The following DOCK3 variants were observed in gnomAD, a reference collection of about 807,000 sequenced individuals.
The protein encoded by DOCK3 is dedicator of cytokinesis protein 3.
A neutral mutation model predicts 265.6 loss-of-function variants in DOCK3; 60 were observed. That is an observed-to-expected ratio of 0.23 (90% confidence interval 0.18 to 0.28). DOCK3 has a LOEUF of 0.28. Ranked by LOEUF, DOCK3 falls within the 10% of genes least tolerant of loss-of-function variation. The pLI is 1.00. For missense variants in DOCK3, 1,981 were observed against 2,594.3 expected, an observed-to-expected ratio of 0.76 and a Z score of 5.14; for synonymous variants, 881 against 938.0, an observed-to-expected ratio of 0.94 and a Z score of 1.11.
chr3:50,714,976 C>T (rs1441465138), intron 1 of DOCK3, among the ~76,000 whole-genome samples: 1 of 152,214 alleles, frequency 6.6e-6, no homozygotes, highest in Non-Finnish European at 1.5e-5. Flanking sequence ...CTGCCACATG[C>T]ACCCACTGAA....
At chr3:50,859,735 T>C (rs2107489889) in intron 3 of DOCK3, among the ~76,000 whole-genome samples, 1 of 152,244 alleles carries the variant, frequency 6.6e-6, no homozygotes, top group Admixed American at 6.5e-5. Flanking sequence ...TAGTGAGGTA[T>C]TTTTGGTGTT....
At chr3:51,363,990 G>C (rs1306533210) in intron 49 of DOCK3, among the ~76,000 whole-genome samples, 2 of 152,134 alleles carry the variant, frequency 1.3e-5, no homozygotes, top group African/African-American at 4.8e-5. Context: ...ATAATCCTTT[G>C]GGTATATGTC....
intron 5 of DOCK3, among the ~76,000 whole-genome samples, chr3:51,000,800 G>A (rs1449638523): frequency 1.3e-5 from 2 of 152,046 alleles, no homozygotes; most frequent in African/African-American, 2.4e-5. Context: ...ATACAGGCAC[G>A]TGCCACCATG....
At chr3:51,110,560 A>G (rs2083471052) in intron 9 of DOCK3, among the ~76,000 whole-genome samples, 1 of 152,248 alleles carries the variant, frequency 6.6e-6, no homozygotes. Flanking sequence ...GTGATTAAAC[A>G]CATAAATAGA....
rs2108716647 is a variant in DOCK3 at position 51,004,680 on chromosome 3, C to T, written c.316-59768C>T. 3.4e-5 allele frequency among the ~76,000 whole-genome samples: 5 copies of T among 146,880 alleles called. 1 individual carries two copies. The South Asian group carries it at 1.1e-3, about 32-fold the overall frequency. On this transcript the variant is annotated intron_variant, in intron 5 of 52. Coordinates refer to ENST00000266037, the MANE Select transcript of DOCK3 (RefSeq NM_004947.5). ...TTTATTCTTTTCTCTCCCCTTTCTA[C>T]TGTAATGCAAACTTCATTTGAGAAG...
intron 9 of DOCK3, among the ~76,000 whole-genome samples, chr3:51,114,434 GAC>G (rs1225734536): frequency 1.3e-5 from 2 of 152,172 alleles, no homozygotes; most frequent in African/African-American, 4.8e-5. Context: ...GCAGAGGAAT[GAC>G]ACAATGATAG....
At chr3:51,240,552 T>C (rs989615345) in intron 21 of DOCK3, among the ~76,000 whole-genome samples, 1 of 152,196 alleles carries the variant, frequency 6.6e-6, no homozygotes, top group Non-Finnish European at 1.5e-5. Flanking sequence ...CCCTCTATTA[T>C]TGTGTAGGAG....
chr3:50,918,136 C>T (rs1241504619), intron 4 of DOCK3, among the ~76,000 whole-genome samples: 2 of 152,118 alleles, frequency 1.3e-5, no homozygotes, highest in Non-Finnish European at 2.9e-5. Flanking sequence ...ATGTGTGCCA[C>T]ATTTTCTTAA....
intron 1 of DOCK3, among the ~76,000 whole-genome samples, chr3:50,773,394 G>A (rs1263014778): frequency 6.6e-6 from 1 of 151,812 alleles, no homozygotes; most frequent in East Asian, 1.9e-4. Flanking sequence ...AAAATCATTT[G>A]AAAGCCAATG....
intron 3 of DOCK3, among the ~76,000 whole-genome samples, chr3:50,854,839 C>T (rs953635148): frequency 1.3e-5 from 2 of 151,896 alleles, no homozygotes; most frequent in African/African-American, 4.8e-5. Context: ...CAGTATCATT[C>T]TTCTGCATAG....
At chr3:50,899,679 C>T (rs1346899769) in intron 4 of DOCK3, among the ~76,000 whole-genome samples, 1 of 152,170 alleles carries the variant, frequency 6.6e-6, no homozygotes, top group Non-Finnish European at 1.5e-5. Flanking sequence ...CTGGTGGTGA[C>T]AAAATCTCTC....
intron 49 of DOCK3, among the ~76,000 whole-genome samples, chr3:51,373,991 A>T (rs2087888529): frequency 6.6e-6 from 1 of 152,208 alleles, no homozygotes; most frequent in Admixed American, 6.5e-5. Context: ...GGAGAAGGTA[A>T]GTGCGTAAAG....
intron 22 of DOCK3, among the ~76,000 whole-genome samples, chr3:51,248,752 G>C (rs1006768206): frequency 1.3e-5 from 2 of 150,764 alleles, no homozygotes; most frequent in African/African-American, 4.9e-5. Context: ...AGTGAGGAGC[G>C]CCTCTTCCCG....
intron 12 of DOCK3, among the ~76,000 whole-genome samples, chr3:51,207,831 A>G (rs530550480): frequency 2.6e-5 from 4 of 152,096 alleles, no homozygotes; most frequent in Non-Finnish European, 4.4e-5. Context: ...TGGGATAGGT[A>G]TATCCATACC....
At chr3:50,832,235 G>A (rs764751750) in intron 2 of DOCK3, among the ~76,000 whole-genome samples, 9 of 152,136 alleles carry the variant, frequency 5.9e-5, no homozygotes, top group African/African-American at 4.8e-5. Context: ...AGACTTAAAC[G>A]TAAGAACTAA....
At chr3:50,796,337 T>G (rs1044661027) in intron 2 of DOCK3, among the ~76,000 whole-genome samples, 20 of 144,584 alleles carry the variant, frequency 1.4e-4, no homozygotes, top group East Asian at 6.3e-4. Flanking sequence ...AGCCATTTTT[T>G]TTTTGTTTTG....
Position 51,228,766 on chromosome 3 carries a change from C to T in DOCK3, c.1753C>T (p.Gln585Ter). 1 of 1,613,990 alleles carries T rather than the reference C, an allele frequency of 6.2e-7. No homozygotes were observed. The stretch of plus-strand genomic sequence containing the variant: ...TAATATTCCTTCTAGCCTCATCTTC[C>T]AGCGCAGCACCAAAGAGTCTTTCTT... ...CPNIPSSLIF[Q>*]RSTKESFFIS... Residue 585 changes from glutamine (Q) to a stop codon, truncating the protein, a stop_gained, in exon 18 of 53, where the codon CAG (glutamine) becomes TAG (stop). Transcript: ENST00000266037. LOFTEE classifies it high-confidence loss of function.
intron 5 of DOCK3, among the ~76,000 whole-genome samples, chr3:51,044,361 T>G (rs567340152): frequency 6.6e-6 from 1 of 152,204 alleles, no homozygotes; most frequent in East Asian, 1.9e-4. Flanking sequence ...TTCTCACTTA[T>G]AAGTGGAAGC....
intron 3 of DOCK3, among the ~76,000 whole-genome samples, chr3:50,871,467 G>A (rs962426987): frequency 2.6e-5 from 4 of 151,290 alleles, no homozygotes; most frequent in Admixed American, 6.6e-5. Flanking sequence ...CTTGATCTTC[G>A]TGAGTTTGAT....
Sources: allele counts gnomAD v4.1 joint callset (sites outside exome capture counted in the v4.1 genomes callset), GRCh38; gene constraint gnomAD v4.1.1; transcripts MANE v1.5; gene names NCBI Gene and HGNC (gene_info 2026-07-23, HGNC 2026-07-21).